LMBRD2: variants seen among roughly 807,000 people sequenced by gnomAD.
LMBRD2 encodes G protein-coupled receptor-associated protein LMBRD2.
Under a neutral mutation model 94.4 loss-of-function variants are expected in LMBRD2, and 55 were observed. The observed-to-expected ratio is 0.58, with a 90% CI of 0.47 to 0.73. The LOEUF is 0.73. LMBRD2 is among the 30% of genes least tolerant of loss of function. The pLI is 0.00. For synonymous variants in LMBRD2, 246 were observed against 272.4 expected (o/e 0.90, Z 0.95); for missense variants, 640 against 831.9 (o/e 0.77, Z 2.84).
In LMBRD2 at chr5:36,100,877, T is replaced by A. The variant is rs980254626; in HGVS notation, c.*3169A>T. The A allele has an allele frequency of 4.6e-5, 7 of 152,050 alleles. No individual in the cohort carries two copies. 9.4% of individuals were successfully genotyped at this position (152,050 alleles called of 1,614,324 possible). On this transcript the variant is annotated 3_prime_UTR_variant, in exon 18 of 18. Coordinates refer to ENST00000296603, the MANE Select transcript of LMBRD2 (RefSeq NM_001007527.2). ...TGTAACTGAATGTAAATTAAATTGC[T>A]CCATTAATATGCTAAAATATACTTT...
Position 36,148,824 on chromosome 5 carries a change from T to G in LMBRD2, c.-58+2732A>C, listed in dbSNP as rs1269943178. The stretch of plus-strand genomic sequence containing the variant: ...TCTAGACATAGTTTCTTAATGCAAT[T>G]TAAATTGCTTAATGATTTATTTTGT... On this transcript the variant is annotated intron_variant, in intron 1 of 17. Coordinates refer to ENST00000296603, the MANE Select transcript of LMBRD2 (RefSeq NM_001007527.2). 2.0e-5 allele frequency among the ~76,000 whole-genome samples: 3 copies of G among 152,338 alleles called. No individual in the cohort carries two copies. In the East Asian group the frequency reaches 5.8e-4, roughly 29 times the overall value.
chr5:36,137,809 A>G (rs979094756), intron 4 of LMBRD2, among the ~76,000 whole-genome samples: 9 of 152,186 alleles, frequency 5.9e-5, no homozygotes, highest in Admixed American at 5.9e-4. Flanking sequence ...AAAAAGGGAG[A>G]AGGTCAGTTG....
intron 6 of LMBRD2, among the ~76,000 whole-genome samples, chr5:36,134,732 T>C (rs1744229492): frequency 6.6e-6 from 1 of 152,102 alleles, no homozygotes; most frequent in Non-Finnish European, 1.5e-5. Context: ...ATCTTGAACG[T>C]TAGTCCCCAG....
chr5:36,108,060 GT>G (rs1423486424), intron 16 of LMBRD2, among the ~76,000 whole-genome samples: 1 of 152,134 alleles, frequency 6.6e-6, no homozygotes, highest in Non-Finnish European at 1.5e-5. Flanking sequence ...GATGGCTTCT[GT>G]CTGGTATCAG....
intron 12 of LMBRD2, 29 bp from the exon 13 acceptor site, chr5:36,114,550 T>C (rs1447892172): frequency 1.1e-5 from 16 of 1,513,250 alleles, no homozygotes; most frequent in Non-Finnish European, 1.3e-5. Flanking sequence ...GTAAGTTAAA[T>C]TGGAATAGCT....
rs1457888269 is a variant in LMBRD2, at chr5:36,124,183, T to A, written c.822+8A>T. 2 of 1,476,208 alleles carry A rather than the reference T, an allele frequency of 1.4e-6. No homozygotes were observed. Among genetic ancestry groups the A allele is most frequent in the Non-Finnish European group, 1.9e-6 (2 of 1,060,742 alleles). The allele number at this position is 1,476,208 out of a possible 1,614,324, so 91.4% of individuals were successfully genotyped here. ...TTCAAAAGGAAACAGACAAGATGAT[T>A]TCATTACCTTTTTAAGTATTGTATC... is the stretch of plus-strand genomic sequence containing the variant. On this transcript the variant is annotated splice_region_variant and intron_variant, in intron 7 of 17. Transcript: ENST00000296603.
At chr5:36,130,999 G>A (rs1014358333) in intron 6 of LMBRD2, among the ~76,000 whole-genome samples, 3 of 151,988 alleles carry the variant, frequency 2.0e-5, no homozygotes, top group African/African-American at 7.3e-5. Flanking sequence ...GGCCAGTATT[G>A]CCCTGATTCC....
chr5:36,141,362 AG>A (rs1744406050), intron 3 of LMBRD2, among the ~76,000 whole-genome samples, 160 bp from the exon 4 acceptor site: 1 of 152,190 alleles, frequency 6.6e-6, no homozygotes, highest in Admixed American at 6.5e-5. Flanking sequence ...TAAAATTCAA[AG>A]CTGACTGCCA....
chr5:36,110,728 A>G (rs1743584527), intron 14 of LMBRD2, among the ~76,000 whole-genome samples: 1 of 152,054 alleles, frequency 6.6e-6, no homozygotes, highest in South Asian at 2.1e-4. Flanking sequence ...CTAGAGTACC[A>G]TGTATTCTAA....
rs992461314 is a variant in LMBRD2, at chr5:36,140,261, G to A, written c.368+846C>T. 1.4e-4 allele frequency among the ~76,000 whole-genome samples: 22 copies of A among 152,326 alleles called. No homozygotes were observed. The Middle Eastern group carries it at 0.01, about 71-fold the overall frequency. ...TGCCCACCCTGCCACAGCAGCCAGC[G>A]TGTCTGGCTGTGCTCAGTGGCTGGA... On this transcript the variant is annotated intron_variant, in intron 4 of 17. Coordinates refer to ENST00000296603, the MANE Select transcript of LMBRD2 (RefSeq NM_001007527.2).
At chr5:36,139,336 G>C (rs1018696089) in intron 4 of LMBRD2, among the ~76,000 whole-genome samples, 1 of 152,210 alleles carries the variant, frequency 6.6e-6, no homozygotes, top group African/African-American at 2.4e-5. Flanking sequence ...CTGACAGTGG[G>C]GCTGAGGGCA....
intron 16 of LMBRD2, among the ~76,000 whole-genome samples, chr5:36,107,659 G>A (rs1010737831): frequency 2.0e-5 from 3 of 152,198 alleles, no homozygotes; most frequent in African/African-American, 7.2e-5. Flanking sequence ...GGCCTCAAGT[G>A]TCAGATGGTT....
chr5:36,109,075 A>G (rs1743541946), intron 15 of LMBRD2, among the ~76,000 whole-genome samples: 2 of 152,126 alleles, frequency 1.3e-5, no homozygotes, highest in South Asian at 2.1e-4. Context: ...CTCACACGGC[A>G]TTGTGTGTTA....
chr5:36,133,653 T>C (rs1222311476), intron 6 of LMBRD2, among the ~76,000 whole-genome samples: 1 of 152,148 alleles, frequency 6.6e-6, no homozygotes, highest in Non-Finnish European at 1.5e-5. Context: ...TCCTGCTATC[T>C]ATGTGTACTT....
Position 36,099,690 on chromosome 5 carries a change from A to C in LMBRD2, c.*4356T>G. The C allele has an allele frequency of 6.6e-6, 1 of 152,182 alleles. No individual in the cohort carries two copies. The highest frequency in any genetic ancestry group is 1.9e-4 in the East Asian group (1 of 5,198). The allele number at this position is 152,182 out of a possible 1,614,324, so 9.4% of individuals were successfully genotyped here. On this transcript the variant is annotated 3_prime_UTR_variant, in exon 18 of 18. Coordinates refer to ENST00000296603, the MANE Select transcript of LMBRD2 (RefSeq NM_001007527.2). ...TAAGTACAGTAAAATTCTTTCACAAAATAATCTGAGATCAAGATAACCAAA... is the reference window on the plus strand; with the variant it reads ...TAAGTACAGTAAAATTCTTTCACAACATAATCTGAGATCAAGATAACCAAA...
rs115755278 is a variant in LMBRD2 at position 36,150,595 on chromosome 5, C to G, written c.-58+961G>C. Among the ~76,000 whole-genome samples the G allele has an allele frequency of 4.1e-3, 620 of 152,266 alleles. 6 individuals carry two copies. The highest frequency in any genetic ancestry group is 0.01 in the Middle Eastern group (3 of 294). ...ACAAAGGCAAATGCTTTCTCCTTAG[C>G]CAAAGTAACATAAAGGTCACTTTCT... On this transcript the variant is annotated intron_variant, in intron 1 of 17. Coordinates refer to ENST00000296603, the MANE Select transcript of LMBRD2 (RefSeq NM_001007527.2).
chr5:36,110,921 A>G (rs1743590011), intron 14 of LMBRD2, among the ~76,000 whole-genome samples: 2 of 152,112 alleles, frequency 1.3e-5, no homozygotes, highest in Admixed American at 6.5e-5. Flanking sequence ...CGCTGCAGAC[A>G]TACTAATAAT....
intron 13 of LMBRD2, 90 bp from the exon 14 acceptor site, chr5:36,111,348 G>A (rs1743601274): frequency 2.3e-6 from 2 of 854,620 alleles, no homozygotes; most frequent in Non-Finnish European, 1.9e-6. Flanking sequence ...CACTCCAAAA[G>A]AAGACTATGC....
At chr5:36,112,483 A>G (rs1203489057) in intron 13 of LMBRD2, among the ~76,000 whole-genome samples, 1 of 152,218 alleles carries the variant, frequency 6.6e-6, no homozygotes, top group African/African-American at 2.4e-5. Context: ...AATGAAAATG[A>G]ACTTATCAAG....
Sources: allele counts gnomAD v4.1 joint callset (sites outside exome capture counted in the v4.1 genomes callset), GRCh38; gene constraint gnomAD v4.1.1; transcripts MANE v1.5; gene names NCBI Gene and HGNC (gene_info 2026-07-23, HGNC 2026-07-21).